HEATR5A: variants seen among roughly 807,000 people sequenced by gnomAD.
HEATR5A encodes HEAT repeat containing 5A.
HEATR5A carries 178 observed loss-of-function variants against 218.8 expected under a neutral mutation model. The observed-to-expected ratio is 0.81, with a 90% CI of 0.72 to 0.92. The LOEUF is 0.92. HEATR5A is among the 40% of genes least tolerant of loss of function. HEATR5A has a pLI of 0.00. For synonymous variants in HEATR5A, 864 were observed against 871.6 expected (o/e 0.99, Z 0.15); for missense variants, 2,420 against 2,418.9 (o/e 1.00, Z -0.01).
rs150518338 is a variant in HEATR5A, at chr14:31,350,302, C to T, written c.2517+310G>A. ...TATTATATTTTACTGTACATAGAAA[C>T]GGTAAGTCATAAGTAACAATGAGCT... On this transcript the variant is annotated intron_variant, in intron 17 of 35. Transcript: ENST00000543095. Among the ~76,000 whole-genome samples the T allele has an allele frequency of 4.1e-4, 63 of 152,152 alleles. No homozygotes were observed. In the East Asian group the frequency reaches 0.011, roughly 27 times the overall value.
At position 31,302,278 on chromosome 14, in the gene HEATR5A, C is replaced by CAAAT. The variant is rs781497816; in HGVS notation, c.5464+13_5464+16dup. On this transcript the variant is annotated intron_variant, in intron 33 of 35. Coordinates refer to ENST00000543095, the MANE Select transcript of HEATR5A (RefSeq NM_015473.4). Reference sequence around the variant, plus strand: ...TTTTTAAGACAAACTGAACTGCTTCCAAATAGCCTCAATTACCTGGATCCC... The same window carrying CAAAT: ...TTTTTAAGACAAACTGAACTGCTTCCAAATAAATAGCCTCAATTACCTGGATCCC... The CAAAT allele has an allele frequency of 1.2e-5, 18 of 1,539,142 alleles. No individual in the cohort carries two copies. The East Asian group carries it at 4.2e-4, about 36-fold the overall frequency.
At chr14:31,408,114 A>C (rs537022019) in intron 1 of HEATR5A, among the ~76,000 whole-genome samples, 1 of 152,318 alleles carries the variant, frequency 6.6e-6, no homozygotes, top group African/African-American at 2.4e-5. Context: ...TGTACATGAC[A>C]GATACTCCTA....
chr14:31,295,829 C>T lies in HEATR5A; in HGVS notation c.5619+80G>A, dbSNP rs556670634. ...TGTAGTCTAATACTTCCTATTGGAG[C>T]CAACAAAATCACACAGAAAATTTTC... On this transcript the variant is annotated intron_variant, in intron 34 of 35. Transcript: ENST00000543095. The T allele has an allele frequency of 1.3e-5, 15 of 1,128,514 alleles. No individual in the cohort carries two copies. The African/African-American group carries it at 2.2e-4, about 17-fold the overall frequency. The allele number at this position is 1,128,514 out of a possible 1,614,324, so 69.9% of individuals were successfully genotyped here. A position where few individuals can be genotyped will look rare whatever the true frequency, so the allele number is the denominator to read the frequency against.
chr14:31,390,359 G>C (rs1009559703), intron 6 of HEATR5A, among the ~76,000 whole-genome samples: 5 of 152,108 alleles, frequency 3.3e-5, no homozygotes, highest in African/African-American at 9.7e-5. Flanking sequence ...AGATTATAGA[G>C]GGGGGTAAAG....
intron 1 of HEATR5A, among the ~76,000 whole-genome samples, chr14:31,405,166 G>A: frequency 6.6e-6 from 1 of 151,968 alleles, no homozygotes. Context: ...AGGTGTGGTG[G>A]CTCACACCTG....
intron 22 of HEATR5A, among the ~76,000 whole-genome samples, chr14:31,328,646 G>A (rs1748914345): frequency 6.6e-6 from 1 of 152,130 alleles, no homozygotes; most frequent in Admixed American, 6.5e-5. Flanking sequence ...TTGGGAGGCT[G>A]AGGCAGGTGG....
intron 22 of HEATR5A, among the ~76,000 whole-genome samples, chr14:31,335,695 C>G (rs1187977420): frequency 1.1e-4 from 17 of 152,000 alleles, no homozygotes; most frequent in Non-Finnish European, 1.6e-4. Flanking sequence ...GCTCTGGTGC[C>G]CAGGCTGGAG....
At chr14:31,293,732 C>G (rs1899090019) in intron 35 of HEATR5A, 120 bp from the exon 36 acceptor site, 7 of 1,096,028 alleles carry the variant, frequency 6.4e-6, no homozygotes, top group Non-Finnish European at 9.1e-6. Flanking sequence ...CCAATCTCTT[C>G]TAAATTAATA....
intron 1 of HEATR5A, among the ~76,000 whole-genome samples, chr14:31,406,241 T>C (rs892723273): frequency 6.6e-6 from 1 of 152,244 alleles, no homozygotes; most frequent in Admixed American, 6.5e-5. Context: ...CTTATGTTTC[T>C]GTTGAGATTA....
rs763148326 is a variant in HEATR5A, at chr14:31,349,945, T to C, written c.2552A>G (p.Glu851Gly). The change falls in exon 18 of 36, where the codon GAA becomes GGA. Residue 851 changes from glutamate (E) to glycine (G), a missense_variant. Transcript: ENST00000543095. ...VAGSKGCLGP[E>G]EMKRFALTLV... ...TGTTAAGGCAAATCTTTTCATTTCTTCTGGACCTAAACATCCCTTGGAGCC... is the reference window on the plus strand; with the variant it reads ...TGTTAAGGCAAATCTTTTCATTTCTCCTGGACCTAAACATCCCTTGGAGCC... The C allele has an allele frequency of 1.7e-5, 28 of 1,602,860 alleles. 1 individual carries two copies. The South Asian group carries it at 3.1e-4, about 18-fold the overall frequency.
At position 31,371,803 on chromosome 14, in the gene HEATR5A, T is replaced by C. The variant is rs1902046957; in HGVS notation, c.1961+7A>G. 4 of 1,433,420 alleles carry C rather than the reference T, an allele frequency of 2.8e-6. No homozygotes were observed. The highest frequency in any genetic ancestry group is 2.2e-5 in the Admixed American group (1 of 45,202). 88.8% of individuals were successfully genotyped at this position (1,433,420 alleles called of 1,614,324 possible). ...GCAACTATCAAATCTAAACAGTCGA[T>C]GCTTACTGAGTTAGCAAATCCACAG... is the stretch of plus-strand genomic sequence containing the variant. On this transcript the variant is annotated splice_region_variant and intron_variant, in intron 13 of 35. Coordinates refer to ENST00000543095, the MANE Select transcript of HEATR5A (RefSeq NM_015473.4).
chr14:31,362,501 GA>G (rs1363649894), intron 14 of HEATR5A, among the ~76,000 whole-genome samples: 2 of 147,814 alleles, frequency 1.4e-5, no homozygotes, highest in Non-Finnish European at 3.0e-5. Flanking sequence ...AGTGGCTCAT[GA>G]CTGTAATCCC....
At chr14:31,359,411 C>T (rs1901541241) in intron 14 of HEATR5A, among the ~76,000 whole-genome samples, 1 of 151,580 alleles carries the variant, frequency 6.6e-6, no homozygotes, top group South Asian at 2.1e-4. Flanking sequence ...TTTAAAAAAG[C>T]ACAGTCTGAA....
At chr14:31,303,772 T>TA (rs1899465678) in intron 32 of HEATR5A, among the ~76,000 whole-genome samples, 1 of 152,000 alleles carries the variant, frequency 6.6e-6, no homozygotes, top group African/African-American at 2.4e-5. Flanking sequence ...CAGATAAGGG[T>TA]CATTTCAGAT....
chr14:31,393,838 G>T (rs901065320), intron 6 of HEATR5A, among the ~76,000 whole-genome samples: 1 of 151,938 alleles, frequency 6.6e-6, no homozygotes, highest in Admixed American at 6.6e-5. Context: ...TAGTATAGAC[G>T]GGTCTCACCA....
At chr14:31,415,411 A>C (rs1405502767) in intron 1 of HEATR5A, among the ~76,000 whole-genome samples, 1 of 152,206 alleles carries the variant, frequency 6.6e-6, no homozygotes, top group Non-Finnish European at 1.5e-5. Flanking sequence ...AATTGTCTGG[A>C]GCAGCACTCT....
At chr14:31,361,941 A>AATTTATTTATTT (rs55748961) in intron 14 of HEATR5A, among the ~76,000 whole-genome samples, 28 of 149,440 alleles carry the variant, frequency 1.9e-4, no homozygotes, top group East Asian at 1.2e-3. Context: ...TAAAATCAGA[A>AATTTATTTATTT]ATTTATTTAT....
chr14:31,366,707 G>A (rs1454999017), intron 13 of HEATR5A, among the ~76,000 whole-genome samples: 2 of 152,122 alleles, frequency 1.3e-5, no homozygotes, highest in Non-Finnish European at 2.9e-5. Context: ...AGACTTTTCT[G>A]AGGCCAACCA....
chr14:31,293,133 G>GCA lies in HEATR5A; in HGVS notation c.*170_*171dup. ...AAACAAAACAAAACACAAACCCCAC[G>GCA]CACACACACAAAAATGTTAAGTATG... On this transcript the variant is annotated 3_prime_UTR_variant, in exon 36 of 36. Transcript: ENST00000543095. 2 of 492,828 alleles carry GCA rather than the reference G, an allele frequency of 4.1e-6. No individual in the cohort carries two copies. The highest frequency in any genetic ancestry group is 8.7e-5 in the South Asian group (2 of 23,088). 30.5% of individuals were successfully genotyped at this position (492,828 alleles called of 1,614,324 possible). A position where few individuals can be genotyped will look rare whatever the true frequency, so the allele number is the denominator to read the frequency against.
Sources: gnomAD v4.1 joint callset for allele counts (sites outside exome capture counted in the v4.1 genomes callset) on GRCh38, gnomAD v4.1.1 for gene constraint, MANE v1.5 for transcripts, NCBI Gene and HGNC (gene_info 2026-07-23, HGNC 2026-07-21) for gene names.